WWOX: variants seen among roughly 807,000 people sequenced by gnomAD.
WWOX encodes the protein WW domain containing oxidoreductase, also known as WW domain-containing oxidoreductase.
WWOX carries 69 observed loss-of-function variants against 46.2 expected under a neutral mutation model. That is an observed-to-expected ratio of 1.49 (90% confidence interval 1.23 to 1.82). The LOEUF is 1.82. Among genes scored for constraint, WWOX ranks in the 40% most tolerant of loss-of-function variants. The pLI is 0.00. For missense variants in WWOX, 919 were observed against 542.6 expected (o/e 1.69, Z -6.89); for synonymous variants, 359 against 202.6 (o/e 1.77, Z -6.56).
intron 8 of WWOX, among the ~76,000 whole-genome samples, chr16:78,767,830 C>G (rs2049961532): frequency 6.6e-6 from 1 of 152,118 alleles, no homozygotes; most frequent in Admixed American, 6.5e-5. Context: ...TTTCACGTGC[C>G]TACTGGCCGT....
At chr16:78,935,703 T>TA (rs2151286877) in intron 8 of WWOX, among the ~76,000 whole-genome samples, 1 of 152,056 alleles carries the variant, frequency 6.6e-6, no homozygotes, top group South Asian at 2.1e-4. Flanking sequence ...CATGTATACT[T>TA]ATGTAACAAA....
At chr16:78,775,265 T>C (rs778993322) in intron 8 of WWOX, among the ~76,000 whole-genome samples, 2 of 152,132 alleles carry the variant, frequency 1.3e-5, no homozygotes, top group African/African-American at 4.8e-5. Flanking sequence ...AACAAAAATA[T>C]CTTGTGGGTT....
At chr16:79,021,611 C>G (rs182396818) in intron 8 of WWOX, among the ~76,000 whole-genome samples, 4 of 152,322 alleles carry the variant, frequency 2.6e-5, no homozygotes, top group East Asian at 3.9e-4. Flanking sequence ...AGCTGCGACT[C>G]TCGCGTGATA....
intron 4 of WWOX, among the ~76,000 whole-genome samples, chr16:78,131,055 G>C (rs902083572): frequency 6.6e-6 from 1 of 152,236 alleles, no homozygotes; most frequent in Admixed American, 6.5e-5. Flanking sequence ...ACAATGGTAA[G>C]TATTTGTGTA....
intron 8 of WWOX, among the ~76,000 whole-genome samples, chr16:78,659,647 G>A (rs376626740): frequency 2.0e-5 from 3 of 152,286 alleles, no homozygotes; most frequent in East Asian, 3.9e-4. Context: ...CCATCGGAGC[G>A]AGTTCAGGAG....
chr16:79,032,641 T>TA (rs1005463660), intron 8 of WWOX, among the ~76,000 whole-genome samples: 21 of 145,200 alleles, frequency 1.4e-4, no homozygotes, highest in Admixed American at 4.9e-4. Flanking sequence ...ATATATGTAA[T>TA]AGAGCGTGTA....
chr16:78,499,529 C>G (rs1333003642), intron 8 of WWOX, among the ~76,000 whole-genome samples: 2 of 152,362 alleles, frequency 1.3e-5, no homozygotes, highest in Non-Finnish European at 2.9e-5. Flanking sequence ...GATTACTCAT[C>G]AGCTGTCTCC....
chr16:79,202,726 G>C (rs1410374158), intron 8 of WWOX: 1 of 152,134 alleles, frequency 6.6e-6, no homozygotes, highest in African/African-American at 2.4e-5. Context: ...TATTATAAAA[G>C]TACCTGAAAT....
intron 8 of WWOX, among the ~76,000 whole-genome samples, chr16:78,993,224 A>C (rs2046922695): frequency 6.6e-6 from 1 of 150,426 alleles, no homozygotes; most frequent in African/African-American, 2.4e-5. Flanking sequence ...GTTTGTTTGC[A>C]GTAAGCCGAG....
chr16:78,578,254 T>TTTTTTATATATATATA (rs1462537260), intron 8 of WWOX, among the ~76,000 whole-genome samples: 1 of 31,630 alleles, frequency 3.2e-5, no homozygotes, highest in South Asian at 2.0e-3. Flanking sequence ...ATACCAAATT[T>TTTTTTATATATATATA]TATATATATA....
chr16:79,062,313 C>G (rs191056464), intron 8 of WWOX, among the ~76,000 whole-genome samples: 1 of 152,316 alleles, frequency 6.6e-6, no homozygotes, highest in East Asian at 1.9e-4. Context: ...GTGCTTTGAA[C>G]TGCTTTTAAT....
intron 5 of WWOX, among the ~76,000 whole-genome samples, chr16:78,282,599 G>A (rs892933792): frequency 2.0e-5 from 3 of 152,100 alleles, no homozygotes; most frequent in African/African-American, 4.8e-5. Context: ...AAATGTGGCC[G>A]GGCGCAGTGG....
chr16:78,929,478 A>G (rs550221607), intron 8 of WWOX, among the ~76,000 whole-genome samples: 13 of 152,098 alleles, frequency 8.5e-5, no homozygotes, highest in South Asian at 2.1e-4. Context: ...TCTATTTCCA[A>G]TGCTAAGGAG....
In WWOX at chr16:78,157,860, C is replaced by T. The variant is rs149132138; in HGVS notation, c.410-6323C>T. Among the ~76,000 whole-genome samples the T allele has an allele frequency of 1.8e-3, 271 of 152,210 alleles. 1 individual carries two copies. Among genetic ancestry groups the T allele is most frequent in the African/African-American group, 6.0e-3 (251 of 41,524 alleles). On this transcript the variant is annotated intron_variant, in intron 4 of 8. Transcript: ENST00000566780. The stretch of plus-strand genomic sequence containing the variant: ...AGTGACTGTGCTGGATTTGGTAGGT[C>T]GTACGAATTGGGTAAGAGGCATAGG...
chr16:78,863,320 A>G lies in WWOX; in HGVS notation c.1057-348288A>G, dbSNP rs143166463. On this transcript the variant is annotated intron_variant, in intron 8 of 8. Transcript: ENST00000566780. ...ACTCGCAGTACATTCTCTACTTAGTATATTTCTTTTTCAGAGTCATCTCAA... is the reference window on the plus strand; with the variant it reads ...ACTCGCAGTACATTCTCTACTTAGTGTATTTCTTTTTCAGAGTCATCTCAA... Among the ~76,000 whole-genome samples, 193 of 152,320 alleles carry G rather than the reference A, an allele frequency of 1.3e-3. 1 individual carries two copies. Among genetic ancestry groups the G allele is most frequent in the Middle Eastern group, 6.8e-3 (2 of 294 alleles).
chr16:78,608,901 G>A (rs945949444), intron 8 of WWOX, among the ~76,000 whole-genome samples: 5 of 152,122 alleles, frequency 3.3e-5, no homozygotes, highest in South Asian at 4.1e-4. Flanking sequence ...GTCTGACCTC[G>A]GAAACTTCCT....
intron 5 of WWOX, among the ~76,000 whole-genome samples, chr16:78,189,310 G>A (rs567026243): frequency 1.3e-5 from 2 of 152,158 alleles, no homozygotes; most frequent in Non-Finnish European, 2.9e-5. Context: ...CTGTAGTCCC[G>A]CCCCGAGGGG....
chr16:78,824,850 G>C (rs1031599476), intron 8 of WWOX, among the ~76,000 whole-genome samples: 2 of 152,138 alleles, frequency 1.3e-5, no homozygotes, highest in Admixed American at 1.3e-4. Context: ...AGCATATCAG[G>C]GTCCTAGGCA....
chr16:78,144,450 C>CACATATATATATAT (rs1171090089), intron 4 of WWOX, among the ~76,000 whole-genome samples: 6 of 24,930 alleles, frequency 2.4e-4, no homozygotes, highest in African/African-American at 6.0e-4. Flanking sequence ...TATATATACA[C>CACATATATATATAT]ATATATATAT....
Sources: gnomAD v4.1 joint callset for allele counts (sites outside exome capture counted in the v4.1 genomes callset) on GRCh38, gnomAD v4.1.1 for gene constraint, MANE v1.5 for transcripts, NCBI Gene and HGNC (gene_info 2026-07-23, HGNC 2026-07-21) for gene names.